Variants in ZNF581 observed in about 807,000 individuals in gnomAD.
The protein encoded by ZNF581 is zinc finger protein 581.
A neutral mutation model predicts 1.2 loss-of-function variants in ZNF581; 1 was observed. The observed-to-expected ratio is 0.83, with a 90% CI of 0.30 to 3.95. The LOEUF (loss-of-function observed/expected upper bound fraction) is 3.95. Among genes scored for constraint, ZNF581 ranks in the 30% most tolerant of loss-of-function variants. The pLI is 0.18. For synonymous variants in ZNF581, 105 were observed against 109.2 expected, an observed-to-expected ratio of 0.96 and a Z score of 0.24; for missense variants, 273 against 274.6, an observed-to-expected ratio of 0.99 and a Z score of 0.04.
upstream of ZNF581, among the ~76,000 whole-genome samples, chr19:55,636,108 T>C (rs1366738985): frequency 6.6e-6 from 1 of 152,170 alleles, no homozygotes; most frequent in Non-Finnish European, 1.5e-5. Flanking sequence ...AACTCGGACT[T>C]GGTCCTGAGG....
At chr19:55,642,415 T>C, upstream of ZNF581, 5 of 1,375,274 alleles carry the variant, frequency 3.6e-6, no homozygotes, top group South Asian at 1.9e-5. Flanking sequence ...CAAGCAGTGA[T>C]AGTGGGGATG....
At chr19:55,641,124 A>AGCCCGGGGCC (rs1041117201), upstream of ZNF581, 1 of 984,802 alleles carries the variant, frequency 1.0e-6, no homozygotes, top group South Asian at 4.7e-5. Flanking sequence ...CGCCAGGGGA[A>AGCCCGGGGCC]GCCCGGGGCC....
chr19:55,635,860 A>C (rs1489045085), intron 1 of ZNF581: 1 of 288,962 alleles, frequency 3.5e-6, no homozygotes, highest in Middle Eastern at 1.3e-3. Flanking sequence ...ACACCTAGCC[A>C]ACTTGAGAGG....
chr19:55,636,295 T>G (rs1312371110), upstream of ZNF581, among the ~76,000 whole-genome samples: 1 of 152,008 alleles, frequency 6.6e-6, no homozygotes, highest in African/African-American at 2.4e-5. Context: ...CGGAGGTCAG[T>G]GCCCTCAGGG....
chr19:55,639,877 A>G (rs960860583), upstream of ZNF581, among the ~76,000 whole-genome samples: 1 of 152,164 alleles, frequency 6.6e-6, no homozygotes, highest in Admixed American at 6.5e-5. Flanking sequence ...TTGGCCTCCG[A>G]AAGTGCTGGG....
At position 55,644,987 on chromosome 19, in the gene ZNF581, C is replaced by T. The variant is rs371655867; in HGVS notation, c.416C>T (p.Ala139Val). The change falls in exon 2 of 2, where the codon GCG becomes GTG. Residue 139 changes from alanine to valine, a missense_variant. Coordinates refer to ENST00000270451, the MANE Select transcript of ZNF581 (RefSeq NM_016535.4). The surrounding 1 kb of genome is among the most constrained non-coding windows in gnomAD (Gnocchi z 4.3). ...GCACGGCACCATTCCATTCACCTGGCGGGTGGTGGGCGGCCCCACGGCTGC... is the reference window on the plus strand; with the variant it reads ...GCACGGCACCATTCCATTCACCTGGTGGGTGGTGGGCGGCCCCACGGCTGC... ...HLARHHSIHL[A>V]GGGRPHGCPL... 10 of 1,604,830 alleles carry T rather than the reference C, an allele frequency of 6.2e-6. No homozygotes were observed. Among genetic ancestry groups the T allele is most frequent in the African/African-American group, 1.3e-5 (1 of 74,776 alleles).
At chr19:55,640,160 G>A (rs1005088630), upstream of ZNF581, 1 of 985,344 alleles carries the variant, frequency 1.0e-6, no homozygotes, top group Admixed American at 6.1e-5. Flanking sequence ...CCGCCCTCCT[G>A]CGAGGCCGTG....
chr19:55,642,725 C>T (rs1276284847), upstream of ZNF581: 2 of 1,510,920 alleles, frequency 1.3e-6, no homozygotes, highest in Admixed American at 2.2e-5. Flanking sequence ...GGAGGAGGAG[C>T]CCCGGGGCCC....
intron 1 of ZNF581, among the ~76,000 whole-genome samples, chr19:55,635,966 G>A (rs1982067492): frequency 2.0e-5 from 3 of 152,182 alleles, no homozygotes; most frequent in Admixed American, 2.0e-4. Context: ...GCCTTTGCGT[G>A]TGGAGCTGTG....
At chr19:55,642,871 G>A (rs376599198), upstream of ZNF581, 50 of 1,566,876 alleles carry the variant, frequency 3.2e-5, no homozygotes, top group African/African-American at 4.6e-4. Flanking sequence ...AGCCCTTCAC[G>A]TGCGGCGCCT....
chr19:55,640,154 C>T (rs1600041388), upstream of ZNF581: 2 of 985,476 alleles, frequency 2.0e-6, no homozygotes, highest in Middle Eastern at 5.2e-4. Context: ...CTGCTGCCGC[C>T]CTCCTGCGAG....
upstream of ZNF581, among the ~76,000 whole-genome samples, chr19:55,636,184 A>G (rs1982078944): frequency 1.3e-5 from 2 of 152,222 alleles, no homozygotes; most frequent in African/African-American, 2.4e-5. Context: ...TGTGAGAAGC[A>G]TCTGTCAGGG....
upstream of ZNF581, among the ~76,000 whole-genome samples, chr19:55,637,552 A>G (rs1490782636): frequency 2.0e-5 from 3 of 151,956 alleles, no homozygotes. Flanking sequence ...AGACACAGCA[A>G]CAAAAAAAAC....
chr19:55,636,499 T>C (rs1165975964), upstream of ZNF581, among the ~76,000 whole-genome samples: 1 of 152,160 alleles, frequency 6.6e-6, no homozygotes, highest in African/African-American at 2.4e-5. Context: ...TGCTTCACTT[T>C]TGGATGGGGC....
At chr19:55,641,218 C>T, upstream of ZNF581, 2 of 981,754 alleles carry the variant, frequency 2.0e-6, no homozygotes, top group Non-Finnish European at 1.2e-6. Flanking sequence ...GAGCCTGGCC[C>T]TGGGACGACG....
chr19:55,639,740 C>T (rs1982328245), upstream of ZNF581, among the ~76,000 whole-genome samples: 1 of 152,164 alleles, frequency 6.6e-6, no homozygotes, highest in African/African-American at 2.4e-5. Context: ...CCTCAGCCTC[C>T]CAAGTAGCTG....
upstream of ZNF581, chr19:55,642,684 A>C: frequency 6.9e-7 from 1 of 1,442,204 alleles, no homozygotes; most frequent in South Asian, 1.4e-5. Flanking sequence ...ATCGACGCCA[A>C]TGGGGTCCCC....
chr19:55,640,331 C>T (rs1982375902), upstream of ZNF581: 2 of 985,034 alleles, frequency 2.0e-6, no homozygotes, highest in African/African-American at 1.7e-5. Context: ...CCTGGCGCAG[C>T]CCGCGAGCCC....
At chr19:55,642,718 G>A, upstream of ZNF581, 1 of 1,507,264 alleles carries the variant, frequency 6.6e-7, no homozygotes, top group East Asian at 2.6e-5. Flanking sequence ...TGCAGCTGGA[G>A]GAGGAGCCCC....
Sources: allele counts gnomAD v4.1 joint callset (sites outside exome capture counted in the v4.1 genomes callset), GRCh38; gene constraint gnomAD v4.1.1; non-coding constraint Gnocchi (gnomAD v3.1); transcripts MANE v1.5; gene names NCBI Gene and HGNC (gene_info 2026-07-23, HGNC 2026-07-21).